The following NRXN3 variants were observed in gnomAD, a reference collection of about 807,000 sequenced individuals.
NRXN3 encodes neurexin III.
A neutral mutation model predicts 137.6 loss-of-function variants in NRXN3; 32 were observed. The ratio of observed to expected loss-of-function variants is 0.23; its 90% confidence interval spans 0.18 to 0.31. NRXN3 has a LOEUF of 0.31. Ranked by LOEUF, NRXN3 falls within the 10% of genes least tolerant of loss-of-function variation. The probability of loss-of-function intolerance (pLI) is 1.00; values close to 1 mark genes in which losing one functional copy is unlikely to be tolerated. For missense variants in NRXN3, 1,574 were observed against 2,062.5 expected, an observed-to-expected ratio of 0.76 and a Z score of 4.59; for synonymous variants, 798 against 784.5, an observed-to-expected ratio of 1.02 and a Z score of -0.29.
At chr14:79,062,995 A>T (rs1267619722) in intron 15 of NRXN3, among the ~76,000 whole-genome samples, 2 of 151,910 alleles carry the variant, frequency 1.3e-5, no homozygotes, top group South Asian at 4.2e-4. Flanking sequence ...AAAGGGGGGG[A>T]GGAGTAGGTG....
chr14:79,680,310 A>C (rs925597925), intron 17 of NRXN3, among the ~76,000 whole-genome samples: 6 of 152,102 alleles, frequency 3.9e-5, no homozygotes, highest in Admixed American at 2.6e-4. Flanking sequence ...GCTTGAGCCC[A>C]GGAGGTGAAG....
intron 19 of NRXN3, among the ~76,000 whole-genome samples, chr14:79,752,645 G>A (rs1174921358): frequency 1.3e-5 from 2 of 152,026 alleles, no homozygotes; most frequent in African/African-American, 2.4e-5. Context: ...TACCATTCAG[G>A]ACATAGGCAT....
At chr14:79,090,047 C>G (rs1395161238) in intron 15 of NRXN3, among the ~76,000 whole-genome samples, 1 of 152,260 alleles carries the variant, frequency 6.6e-6, no homozygotes, top group East Asian at 1.9e-4. Flanking sequence ...AAAATAGAAT[C>G]AGCTTTCCTT....
chr14:79,535,524 T>C (rs2097203521), intron 16 of NRXN3, among the ~76,000 whole-genome samples: 1 of 152,186 alleles, frequency 6.6e-6, no homozygotes, highest in Non-Finnish European at 1.5e-5. Flanking sequence ...CTCTCCTCTC[T>C]CCAATTGGTA....
At chr14:79,849,597 A>C (rs1331329575) in intron 20 of NRXN3, among the ~76,000 whole-genome samples, 1 of 152,194 alleles carries the variant, frequency 6.6e-6, no homozygotes, top group East Asian at 1.9e-4. Flanking sequence ...TCAAAAAGAC[A>C]AGGGACAACA....
chr14:78,349,903 G>T (rs2083247311), intron 4 of NRXN3, among the ~76,000 whole-genome samples: 1 of 152,206 alleles, frequency 6.6e-6, no homozygotes, highest in South Asian at 2.1e-4. Context: ...CATGGGGAAA[G>T]TGCCTTAGGA....
At chr14:79,264,557 T>TGTGTGTGTGTGC (rs1491095998) in intron 15 of NRXN3, among the ~76,000 whole-genome samples, 5 of 122,816 alleles carry the variant, frequency 4.1e-5, no homozygotes, top group African/African-American at 1.6e-4. Context: ...TGTGTGTGTG[T>TGTGTGTGTGTGC]GCGCGCGTGC....
intron 20 of NRXN3, among the ~76,000 whole-genome samples, chr14:79,840,269 G>C (rs2099353229): frequency 6.6e-6 from 1 of 152,106 alleles, no homozygotes; most frequent in African/African-American, 2.4e-5. Context: ...GTCCCTTGGG[G>C]AACTTTTAAA....
intron 15 of NRXN3, among the ~76,000 whole-genome samples, chr14:79,406,312 C>A (rs957549004): frequency 6.6e-6 from 1 of 150,546 alleles, no homozygotes; most frequent in African/African-American, 2.4e-5. Context: ...TCCTCTCCTC[C>A]TCTCTTTCTT....
intron 7 of NRXN3, among the ~76,000 whole-genome samples, chr14:78,714,542 C>G (rs2098423031): frequency 6.6e-6 from 1 of 152,198 alleles, no homozygotes; most frequent in African/African-American, 2.4e-5. Flanking sequence ...TGAGATTTTT[C>G]TGGGTCTTCC....
chr14:79,347,099 G>A (rs1321470330), intron 15 of NRXN3, among the ~76,000 whole-genome samples: 3 of 152,202 alleles, frequency 2.0e-5, no homozygotes, highest in Non-Finnish European at 4.4e-5. Context: ...GAGAGGCAAG[G>A]GGAGCGTGGC....
intron 4 of NRXN3, among the ~76,000 whole-genome samples, chr14:78,488,011 G>T (rs2095596061): frequency 6.6e-6 from 1 of 152,054 alleles, no homozygotes; most frequent in Non-Finnish European, 1.5e-5. Context: ...TCACAGTTCT[G>T]GAGGCTGTAA....
At chr14:79,773,517 C>G (rs1249321857) in intron 19 of NRXN3, among the ~76,000 whole-genome samples, 1 of 151,244 alleles carries the variant, frequency 6.6e-6, no homozygotes, top group East Asian at 1.9e-4. Context: ...TCTCAGTAAA[C>G]TATCGCAAGA....
At chr14:79,839,306 T>C (rs1478980912) in intron 20 of NRXN3, among the ~76,000 whole-genome samples, 52 of 151,948 alleles carry the variant, frequency 3.4e-4, no homozygotes, top group Admixed American at 3.4e-3. Flanking sequence ...TCCCCTAAAC[T>C]TGAACAGGGT....
chr14:79,387,112 T>A (rs1419741213), intron 15 of NRXN3, among the ~76,000 whole-genome samples: 1 of 152,020 alleles, frequency 6.6e-6, no homozygotes, highest in Non-Finnish European at 1.5e-5. Flanking sequence ...GGGATCTAAT[T>A]AAACTAAAGA....
intron 12 of NRXN3, 99 bp downstream of exon 12, chr14:78,966,505 A>G (rs1270987602): frequency 1.6e-5 from 20 of 1,255,330 alleles, no homozygotes; most frequent in Non-Finnish European, 2.2e-5. Context: ...TCTACTCCCT[A>G]CCCTCCATTC....
intron 19 of NRXN3, among the ~76,000 whole-genome samples, chr14:79,713,475 A>AATATAT (rs1321126686): frequency 9.0e-6 from 1 of 111,000 alleles, no homozygotes; most frequent in African/African-American, 3.8e-5. Flanking sequence ...AGATATATAT[A>AATATAT]ATGTATATAT....
intron 10 of NRXN3, among the ~76,000 whole-genome samples, chr14:78,823,804 T>G (rs144708232): frequency 1.4e-3 from 207 of 152,204 alleles, no homozygotes; most frequent in Admixed American, 2.4e-3. Flanking sequence ...AAATGTGCAA[T>G]TGAGCTTCAT....
intron 4 of NRXN3, among the ~76,000 whole-genome samples, chr14:78,555,671 A>G (rs2096730860): frequency 6.6e-6 from 1 of 152,228 alleles, no homozygotes; most frequent in African/African-American, 2.4e-5. Flanking sequence ...GAATATGATG[A>G]CTATTTCCCT....
Sources: gnomAD v4.1 joint callset for allele counts (sites outside exome capture counted in the v4.1 genomes callset) on GRCh38, gnomAD v4.1.1 for gene constraint, MANE v1.5 for transcripts, NCBI Gene and HGNC (gene_info 2026-07-23, HGNC 2026-07-21) for gene names.